The following PRKG1 variants were observed in gnomAD, a reference collection of about 807,000 sequenced individuals.
The protein encoded by PRKG1 is cGMP-dependent protein kinase 1.
In PRKG1, 35 loss-of-function variants were observed where a neutral mutation model predicts 88.1. That is an observed-to-expected ratio of 0.40 (90% CI 0.30 to 0.53). PRKG1 has a LOEUF of 0.53. Ranked by LOEUF, PRKG1 falls within the 20% of genes least tolerant of loss-of-function variation. PRKG1 has a pLI of 0.59. For missense variants in PRKG1, 540 were observed against 839.8 expected (o/e 0.64, Z 4.41); for synonymous variants, 303 against 292.5 (o/e 1.04, Z -0.37).
chr10:52,103,581 A>G (rs1454531614), intron 7 of PRKG1, among the ~76,000 whole-genome samples: 1 of 152,134 alleles, frequency 6.6e-6, no homozygotes, highest in African/African-American at 2.4e-5. Flanking sequence ...TAATATATAC[A>G]AGAAGTATTA....
At chr10:51,528,314 A>G (rs1224186596) in intron 3 of PRKG1, among the ~76,000 whole-genome samples, 2 of 152,200 alleles carry the variant, frequency 1.3e-5, no homozygotes, top group African/African-American at 4.8e-5. Context: ...TGAATATTAG[A>G]AAGTCAGTTG....
intron 9 of PRKG1, among the ~76,000 whole-genome samples, chr10:52,197,150 T>G (rs1167721972): frequency 6.6e-6 from 1 of 152,174 alleles, no homozygotes; most frequent in Non-Finnish European, 1.5e-5. Context: ...TCAGATTTTT[T>G]TGTGTATTTC....
At chr10:51,743,477 C>T (rs1161643170) in intron 3 of PRKG1, among the ~76,000 whole-genome samples, 2 of 151,606 alleles carry the variant, frequency 1.3e-5, no homozygotes, top group African/African-American at 4.8e-5. Context: ...AAGCCAGCGA[C>T]AAGGCAACTG....
chr10:51,586,279 A>C (rs1015065414), intron 3 of PRKG1, among the ~76,000 whole-genome samples: 3 of 152,120 alleles, frequency 2.0e-5, no homozygotes, highest in African/African-American at 7.2e-5. Flanking sequence ...TTACATACTA[A>C]AGCTATAGTT....
intron 1 of PRKG1, among the ~76,000 whole-genome samples, chr10:50,994,967 T>C (rs993475859): frequency 6.6e-6 from 1 of 152,212 alleles, no homozygotes; most frequent in African/African-American, 2.4e-5. Flanking sequence ...AGGATGTGTG[T>C]AGGTTTTATG....
intron 3 of PRKG1, among the ~76,000 whole-genome samples, chr10:51,566,934 A>T (rs1564552942): frequency 6.7e-6 from 1 of 149,290 alleles, no homozygotes. Flanking sequence ...ACATAAAAAA[A>T]AAAGAGAGAG....
intron 9 of PRKG1, among the ~76,000 whole-genome samples, chr10:52,229,696 T>G (rs933466713): frequency 2.0e-5 from 3 of 152,200 alleles, no homozygotes; most frequent in African/African-American, 7.2e-5. Flanking sequence ...AGCATATTGA[T>G]GTATCATCTG....
At chr10:51,020,174 T>G (rs920764097) in intron 1 of PRKG1, among the ~76,000 whole-genome samples, 1 of 152,226 alleles carries the variant, frequency 6.6e-6, no homozygotes, top group Non-Finnish European at 1.5e-5. Context: ...TTTTATTTTT[T>G]ATTTTTTGAT....
intron 3 of PRKG1, among the ~76,000 whole-genome samples, chr10:51,667,135 G>A (rs1444863653): frequency 6.6e-6 from 1 of 151,876 alleles, no homozygotes; most frequent in African/African-American, 2.4e-5. Context: ...CCAAAATATT[G>A]TTAATTATAT....
chr10:52,275,024 G>T (rs1841836692), intron 12 of PRKG1, among the ~76,000 whole-genome samples: 2 of 152,018 alleles, frequency 1.3e-5, no homozygotes, highest in African/African-American at 2.4e-5. Context: ...CTTTTCATTG[G>T]ATTATTTGTT....
chr10:52,040,286 C>T (rs1243958936), intron 5 of PRKG1, among the ~76,000 whole-genome samples: 2 of 152,212 alleles, frequency 1.3e-5, no homozygotes, highest in Non-Finnish European at 2.9e-5. Flanking sequence ...GTAGAAACTT[C>T]AATACATATT....
At chr10:51,974,506 A>G (rs183517415) in intron 5 of PRKG1, among the ~76,000 whole-genome samples, 1 of 152,094 alleles carries the variant, frequency 6.6e-6, no homozygotes. Context: ...TCTGGATCCA[A>G]CTTACTCCCA....
At chr10:51,555,462 A>G (rs569537641) in intron 3 of PRKG1, among the ~76,000 whole-genome samples, 43 of 152,136 alleles carry the variant, frequency 2.8e-4, no homozygotes, top group African/African-American at 9.9e-4. Context: ...ATAAAACTAA[A>G]GAGAAAAAAT....
chr10:51,130,994 G>A lies in PRKG1; in HGVS notation c.312-22170G>A, dbSNP rs147743768. Among the ~76,000 whole-genome samples, 318 of 152,256 alleles carry A rather than the reference G, an allele frequency of 2.1e-3. 2 individuals are homozygous for A. The highest frequency in any genetic ancestry group is 7.4e-3 in the African/African-American group (307 of 41,552). On this transcript the variant is annotated intron_variant, in intron 1 of 17. Coordinates refer to ENST00000373980, the MANE Select transcript of PRKG1 (RefSeq NM_006258.4). ...CTGACATTCTACTCAAGGAAATAAA[G>A]CTGTGCAGGATGAAAATGAGTTTTA...
intron 7 of PRKG1, among the ~76,000 whole-genome samples, chr10:52,084,452 C>T (rs919865338): frequency 2.0e-5 from 3 of 151,956 alleles, no homozygotes; most frequent in Admixed American, 6.6e-5. Context: ...TGCAAATTAA[C>T]GTAGAAGTTG....
chr10:51,315,319 G>A (rs7895959), intron 2 of PRKG1, among the ~76,000 whole-genome samples: 2,590 of 152,262 alleles, frequency 0.017, 75 homozygotes, highest in African/African-American at 0.059. Context: ...TCATGTGAGA[G>A]GTTTTTGGTT....
intron 3 of PRKG1, among the ~76,000 whole-genome samples, chr10:51,689,624 A>C (rs1248063100): frequency 6.6e-6 from 1 of 152,180 alleles, no homozygotes; most frequent in Non-Finnish European, 1.5e-5. Context: ...GAAAGACAAC[A>C]AGATTATGAG....
intron 7 of PRKG1, among the ~76,000 whole-genome samples, chr10:52,108,886 G>A (rs1589613252): frequency 1.9e-5 from 1 of 52,078 alleles, no homozygotes; most frequent in African/African-American, 9.3e-5. Flanking sequence ...GAGTGCAGTG[G>A]CGCAATCTCA....
At chr10:52,089,986 C>T (rs7476880) in intron 7 of PRKG1, among the ~76,000 whole-genome samples, 20,280 of 151,090 alleles carry the variant, frequency 0.13, 1,853 homozygotes, top group East Asian at 0.3. Flanking sequence ...AGCTAGTTTT[C>T]GTATTTTTAG....
Sources: allele counts gnomAD v4.1 joint callset (sites outside exome capture counted in the v4.1 genomes callset), GRCh38; gene constraint gnomAD v4.1.1; transcripts MANE v1.5; gene names NCBI Gene and HGNC (gene_info 2026-07-23, HGNC 2026-07-21).